NUDT5: variants seen among roughly 807,000 people sequenced by gnomAD.
NUDT5 encodes the protein nudix hydrolase 5, also known as ADP-sugar pyrophosphatase.
Under a neutral mutation model 34.1 loss-of-function variants are expected in NUDT5, and 21 were observed. The ratio of observed to expected loss-of-function variants is 0.62; its 90% CI spans 0.44 to 0.89. The LOEUF (loss-of-function observed/expected upper bound fraction) is 0.89, where lower values mean the gene tolerates loss of function less well. Among genes scored for constraint, NUDT5 ranks in the 40% least tolerant of loss-of-function variants. NUDT5 has a pLI of 0.00. For synonymous variants in NUDT5, 85 were observed against 97.6 expected, an observed-to-expected ratio of 0.87 and a Z score of 0.76; for missense variants, 249 against 274.8, an observed-to-expected ratio of 0.91 and a Z score of 0.66.
chr10:12,174,647 C>T (rs1172427991), intron 5 of NUDT5, among the ~76,000 whole-genome samples: 1 of 152,230 alleles, frequency 6.6e-6, no homozygotes, highest in African/African-American at 2.4e-5. Flanking sequence ...CTGAAGGCAT[C>T]ATCCAGTCGT....
At chr10:12,188,719 G>A in intron 1 of NUDT5, among the ~76,000 whole-genome samples, 1 of 100,812 alleles carries the variant, frequency 9.9e-6, no homozygotes, top group Admixed American at 1.6e-4. Context: ...GACAGAGCAA[G>A]ACTCCATCTA....
intron 1 of NUDT5, among the ~76,000 whole-genome samples, chr10:12,189,297 G>A (rs771845737): frequency 2.0e-5 from 3 of 152,084 alleles, no homozygotes; most frequent in Non-Finnish European, 4.4e-5. Flanking sequence ...GTAGAGATGG[G>A]GTTTTGCCAT....
rs1331621651 is a variant in NUDT5 at position 12,168,259 on chromosome 10, C to T, written c.551-448G>A. 3.3e-5 allele frequency among the ~76,000 whole-genome samples: 5 copies of T among 152,110 alleles called. No homozygotes were observed. The highest frequency in any genetic ancestry group is 5.9e-5 in the Non-Finnish European group (4 of 68,014). ...CAGGATGGTTTCGATCTCCTGACCT[C>T]GTGATCCACCCGCCTCAGCCTCCCA... On this transcript the variant is annotated intron_variant, in intron 9 of 9. Transcript: ENST00000491614. The surrounding 1 kb of genome is among the most constrained non-coding windows in gnomAD (Gnocchi z 4.8).
In NUDT5 at chr10:12,170,780, C is replaced by CAA; in HGVS notation, c.497-12_497-11dup. On this transcript the variant is annotated splice_polypyrimidine_tract_variant and intron_variant, in intron 8 of 9. Coordinates refer to ENST00000491614, the MANE Select transcript of NUDT5 (RefSeq NM_014142.4). This position sits in a 1 kb window ranked among gnomAD's most constrained non-coding sequence, Gnocchi z 4.9. Reference sequence around the variant, plus strand: ...ATGACTTCCACAAACTCTAAACAGACAAAGTGCAAGTGAAAACAAAGCTAA... The same window carrying CAA: ...ATGACTTCCACAAACTCTAAACAGACAAAAAGTGCAAGTGAAAACAAAGCTAA... The CAA allele has an allele frequency of 6.2e-6, 10 of 1,614,088 alleles. No homozygotes were observed. The highest frequency in any genetic ancestry group is 8.5e-6 in the Non-Finnish European group (10 of 1,179,964).
intron 3 of NUDT5, among the ~76,000 whole-genome samples, chr10:12,184,261 G>A (rs1835088717): frequency 6.6e-6 from 1 of 152,086 alleles, no homozygotes; most frequent in Admixed American, 6.6e-5. Flanking sequence ...TGCCTAGGCT[G>A]GTCTTGAACT....
chr10:12,169,392 A>G lies in NUDT5; in HGVS notation c.550+1325T>C. ...CCCTGCTTTCCACGCACCTCCTCAG[A>G]GGGAGGGGCTGTTATTGTTCCTGTT... On this transcript the variant is annotated intron_variant, in intron 9 of 9. Coordinates refer to ENST00000491614, the MANE Select transcript of NUDT5 (RefSeq NM_014142.4). This position sits in a 1 kb window ranked among gnomAD's most constrained non-coding sequence, Gnocchi z 4.8. The G allele has an allele frequency of 1.9e-6, 2 of 1,073,592 alleles. No homozygotes were observed. The highest frequency in any genetic ancestry group is 2.7e-6 in the Non-Finnish European group (2 of 734,470). The allele number at this position is 1,073,592 out of a possible 1,614,324, so 66.5% of individuals were successfully genotyped here.
intron 1 of NUDT5, among the ~76,000 whole-genome samples, chr10:12,194,442 C>T (rs1330161671): frequency 6.6e-6 from 1 of 152,192 alleles, no homozygotes; most frequent in East Asian, 1.9e-4. Flanking sequence ...TGCTTCTTTC[C>T]CTCAAATCAG....
intron 3 of NUDT5, among the ~76,000 whole-genome samples, 187 bp downstream of exon 3, chr10:12,184,702 A>G (rs2131712568): frequency 6.6e-6 from 1 of 152,336 alleles, no homozygotes; most frequent in East Asian, 1.9e-4. Context: ...ATTGTAACAC[A>G]TTTACAACCC....
chr10:12,184,079 T>C (rs1835084883), intron 3 of NUDT5, among the ~76,000 whole-genome samples: 1 of 152,142 alleles, frequency 6.6e-6, no homozygotes, highest in Non-Finnish European at 1.5e-5. Context: ...TGAGACAGAG[T>C]CTCACTCTGT....
chr10:12,190,830 A>T (rs1835212277), intron 1 of NUDT5, among the ~76,000 whole-genome samples: 1 of 151,674 alleles, frequency 6.6e-6, no homozygotes, highest in South Asian at 2.1e-4. Context: ...GCTGGTTTCG[A>T]ACTCCTGACC....
chr10:12,177,821 C>G lies in NUDT5; in HGVS notation c.261G>C (p.Met87Ile), dbSNP rs149162963. The change falls in exon 5 of 10, where the codon ATG becomes ATC. Residue 87 changes from methionine to isoleucine, a missense_variant. Met to Ile is a conservative substitution (Grantham distance 10). Transcript: ENST00000491614. ...IVLVKQFRPP[M>I]GGYCIEFPAG... is the part of the protein sequence containing the mutation. The stretch of plus-strand genomic sequence containing the variant: ...CAGGGAACTCTATGCAGTAGCCCCC[C>G]ATTGGTGGTCGGAACTGTTTCACCA... 455 of 1,614,080 alleles carry G rather than the reference C, an allele frequency of 2.8e-4. No individual in the cohort carries two copies. In the Middle Eastern group the frequency reaches 3.1e-3, roughly 11 times the overall value.
rs1423708290 is a variant in NUDT5 at position 12,169,393 on chromosome 10, G to GGGA, written c.550+1321_550+1323dup. On this transcript the variant is annotated intron_variant, in intron 9 of 9. Coordinates refer to ENST00000491614, the MANE Select transcript of NUDT5 (RefSeq NM_014142.4). This position sits in a 1 kb window ranked among gnomAD's most constrained non-coding sequence, Gnocchi z 4.8. ...CCTGCTTTCCACGCACCTCCTCAGA[G>GGGA]GGAGGGGCTGTTATTGTTCCTGTTT... 9 of 1,063,214 alleles carry GGGA rather than the reference G, an allele frequency of 8.5e-6. No individual in the cohort carries two copies. Among genetic ancestry groups the GGGA allele is most frequent in the Non-Finnish European group, 1.2e-5 (9 of 726,594 alleles). 65.9% of individuals were successfully genotyped at this position (1,063,214 alleles called of 1,614,324 possible). A position where few individuals can be genotyped will look rare whatever the true frequency, so the allele number is the denominator to read the frequency against.
chr10:12,169,196 A>G lies in NUDT5; in HGVS notation c.551-1385T>C. On this transcript the variant is annotated intron_variant, in intron 9 of 9. Transcript: ENST00000491614. This position sits in a 1 kb window ranked among gnomAD's most constrained non-coding sequence, Gnocchi z 4.8. ...GGTTCTTTTACCCCTCCTCCTTTAT[A>G]GCCATAGTAGCCCTCTCTCCACCTC... is the stretch of plus-strand genomic sequence containing the variant. The G allele has an allele frequency of 9.1e-7, 1 of 1,096,678 alleles. No homozygotes were observed. Among genetic ancestry groups the G allele is most frequent in the Non-Finnish European group, 1.3e-6 (1 of 749,870 alleles). 67.9% of individuals were successfully genotyped at this position (1,096,678 alleles called of 1,614,324 possible).
chr10:12,188,591 C>T lies in NUDT5; in HGVS notation c.-41-2259G>A, dbSNP rs528790989. Among the ~76,000 whole-genome samples, 33 of 152,060 alleles carry T rather than the reference C, an allele frequency of 2.2e-4. No homozygotes were observed. The East Asian group carries it at 2.5e-3, about 12-fold the overall frequency. On this transcript the variant is annotated intron_variant, in intron 1 of 9. Transcript: ENST00000491614. ...ACTAAAAATACAAAAATTAGCTGGA[C>T]GTGGTGGGGTGCGCCTGTAGCCCCA...
In NUDT5 at chr10:12,170,892, G is replaced by A. The variant is rs376182578; in HGVS notation, c.496+8C>T. ...ACACGCTCGGCCACCAGGAGTTGCAGAACATACCTCCATCCCCTGGAAATA... is the reference window on the plus strand; with the variant it reads ...ACACGCTCGGCCACCAGGAGTTGCAAAACATACCTCCATCCCCTGGAAATA... On this transcript the variant is annotated splice_region_variant and intron_variant, in intron 8 of 9. Transcript: ENST00000491614. The surrounding 1 kb of genome is among the most constrained non-coding windows in gnomAD (Gnocchi z 4.9). 56 of 1,613,768 alleles carry A rather than the reference G, an allele frequency of 3.5e-5. No homozygotes were observed. Among genetic ancestry groups the A allele is most frequent in the Non-Finnish European group, 4.1e-5 (48 of 1,179,892 alleles).
At position 12,173,630 on chromosome 10, in the gene NUDT5, G is replaced by T; in HGVS notation, c.385+88C>A. The stretch of plus-strand genomic sequence containing the variant: ...AATCTGTGATTTCTTTCTCTTCAGT[G>T]AATTCTGAGCGTAAAGAACACCCAA... On this transcript the variant is annotated intron_variant, in intron 6 of 9. Transcript: ENST00000491614. The surrounding 1 kb of genome is among the most constrained non-coding windows in gnomAD (Gnocchi z 4.7). The T allele has an allele frequency of 9.9e-7, 1 of 1,010,438 alleles. No individual in the cohort carries two copies. The highest frequency in any genetic ancestry group is 1.3e-5 in the South Asian group (1 of 78,130). The allele number at this position is 1,010,438 out of a possible 1,614,324, so 62.6% of individuals were successfully genotyped here. A position where few individuals can be genotyped will look rare whatever the true frequency, so the allele number is the denominator to read the frequency against.
chr10:12,179,138 C>T lies in NUDT5; in HGVS notation c.132-6G>A. 6.2e-7 allele frequency: 1 copy of T among 1,612,842 alleles called. No individual in the cohort carries two copies. The highest frequency in any genetic ancestry group is 8.5e-7 in the Non-Finnish European group (1 of 1,179,584). On this transcript the variant is annotated splice_polypyrimidine_tract_variant and splice_region_variant and intron_variant, in intron 3 of 9. Transcript: ENST00000491614. ...GTTTCACTGATTCCCAAGTTCTGTT[C>T]AGGCAGAGAAGAAAAAAAAGTCATT...
At chr10:12,183,211 C>A (rs766305440) in intron 3 of NUDT5, among the ~76,000 whole-genome samples, 1 of 152,178 alleles carries the variant, frequency 6.6e-6, no homozygotes, top group South Asian at 2.1e-4. Context: ...TTGGGCCTTG[C>A]CACATTTCTG....
chr10:12,179,161 A>T, intron 3 of NUDT5, 29 bp from the exon 4 acceptor site: 1 of 1,599,806 alleles, frequency 6.3e-7, no homozygotes. Context: ...AAAAAAAGTC[A>T]TTAGTGCTAC....
Sources: allele counts gnomAD v4.1 joint callset (sites outside exome capture counted in the v4.1 genomes callset), GRCh38; gene constraint gnomAD v4.1.1; non-coding constraint Gnocchi (gnomAD v3.1); transcripts MANE v1.5; gene names NCBI Gene and HGNC (gene_info 2026-07-23, HGNC 2026-07-21).